Variants in MTHFD2L observed in about 807,000 individuals in gnomAD.
MTHFD2L encodes the protein methylenetetrahydrofolate dehydrogenase (NADP+ dependent) 2 like.
In MTHFD2L, 29 loss-of-function variants were observed where a neutral mutation model predicts 34.9. That is an observed-to-expected ratio of 0.83 (90% CI 0.62 to 1.13). The LOEUF is 1.13. MTHFD2L is among the 50% of genes most tolerant of loss of function. MTHFD2L has a pLI of 0.00. For missense variants in MTHFD2L, 481 were observed against 446.5 expected (o/e 1.08, Z -0.70); for synonymous variants, 167 against 155.7 (o/e 1.07, Z -0.54).
chr4:74,164,036 C>T (rs1250303356), intron 1 of MTHFD2L, among the ~76,000 whole-genome samples: 3 of 152,026 alleles, frequency 2.0e-5, no homozygotes, highest in Non-Finnish European at 2.9e-5. Flanking sequence ...CCACCACGCC[C>T]GGCTAATTTT....
At chr4:74,295,155 GTTTCT>G (rs1749474713) in intron 7 of MTHFD2L, among the ~76,000 whole-genome samples, 1 of 151,964 alleles carries the variant, frequency 6.6e-6, no homozygotes, top group African/African-American at 2.4e-5. Flanking sequence ...CCCAACCTCA[GTTTCT>G]TGACCCCATA....
intron 6 of MTHFD2L, among the ~76,000 whole-genome samples, chr4:74,264,883 G>T (rs1745099596): frequency 6.6e-6 from 1 of 152,068 alleles, no homozygotes; most frequent in African/African-American, 2.4e-5. Flanking sequence ...TTATGAATGA[G>T]AAGTTCTTGT....
chr4:74,242,235 G>T (rs371903337), intron 6 of MTHFD2L: 2 of 151,696 alleles, frequency 1.3e-5, no homozygotes, highest in Non-Finnish European at 2.9e-5. Context: ...GGTCAAAAAA[G>T]CATGTATGTG....
At chr4:74,115,214 A>G (rs1234353805) in intron 2 of MTHFD2L, among the ~76,000 whole-genome samples, 1 of 152,180 alleles carries the variant, frequency 6.6e-6, no homozygotes, top group East Asian at 1.9e-4. Context: ...TTATTTTTTG[A>G]CCATAGGAGA....
chr4:74,186,060 C>A (rs1201975174), intron 3 of MTHFD2L, among the ~76,000 whole-genome samples: 1 of 151,906 alleles, frequency 6.6e-6, no homozygotes, highest in African/African-American at 2.4e-5. Flanking sequence ...TTCAGGAATC[C>A]AATACAATTT....
At chr4:74,287,701 C>T (rs112403882) in intron 7 of MTHFD2L, among the ~76,000 whole-genome samples, 5,275 of 152,174 alleles carry the variant, frequency 0.035, 99 homozygotes, top group East Asian at 0.099. Context: ...GAGCCGAGAT[C>T]GTGCCACTGC....
At chr4:74,203,190 C>T (rs891976205) in intron 5 of MTHFD2L, among the ~76,000 whole-genome samples, 2 of 150,710 alleles carry the variant, frequency 1.3e-5, no homozygotes, top group Admixed American at 1.3e-4. Context: ...ATAATGACTC[C>T]AGATAACTTT....
chr4:74,174,232 G>A (rs1283810386), intron 1 of MTHFD2L, among the ~76,000 whole-genome samples: 1 of 151,956 alleles, frequency 6.6e-6, no homozygotes, highest in Non-Finnish European at 1.5e-5. Flanking sequence ...TAACATTTGG[G>A]GTTAGGATTT....
chr4:74,209,988 T>C (rs1457704225), intron 5 of MTHFD2L, among the ~76,000 whole-genome samples: 1 of 152,248 alleles, frequency 6.6e-6, no homozygotes, highest in African/African-American at 2.4e-5. Flanking sequence ...GCTGCATAAA[T>C]GTCTTCTTTT....
intron 1 of MTHFD2L, among the ~76,000 whole-genome samples, chr4:74,172,327 CA>C: frequency 6.6e-6 from 1 of 152,198 alleles, no homozygotes; most frequent in East Asian, 1.9e-4. Context: ...TAAATATGTC[CA>C]GTTTATTATA....
At chr4:74,212,174 GT>G (rs1435833399) in intron 5 of MTHFD2L, among the ~76,000 whole-genome samples, 1 of 151,848 alleles carries the variant, frequency 6.6e-6, no homozygotes, top group Admixed American at 6.6e-5. Context: ...TTTTTGAAGG[GT>G]TTTTTGTCTC....
upstream of MTHFD2L, among the ~76,000 whole-genome samples, chr4:74,155,692 TATC>T (rs141608742): frequency 0.022 from 3,402 of 152,176 alleles, 110 homozygotes; most frequent in African/African-American, 0.076. Flanking sequence ...TAAAATCTAT[TATC>T]ATACAAAAAT....
intron 1 of MTHFD2L, among the ~76,000 whole-genome samples, chr4:74,162,505 CTTTT>C (rs3051352): frequency 6.4e-5 from 8 of 124,262 alleles, no homozygotes; most frequent in South Asian, 2.5e-4. Context: ...TCTCTCCCCA[CTTTT>C]TTTTTTTTTT....
chr4:74,227,864 G>C (rs1739414677), intron 6 of MTHFD2L, among the ~76,000 whole-genome samples: 2 of 152,112 alleles, frequency 1.3e-5, no homozygotes. Context: ...ACAGAGAGGA[G>C]AGGTATTGCA....
intron 6 of MTHFD2L, among the ~76,000 whole-genome samples, chr4:74,227,651 A>T (rs983509004): frequency 2.6e-5 from 4 of 152,136 alleles, no homozygotes; most frequent in Admixed American, 1.3e-4. Flanking sequence ...CTAGTAAGAA[A>T]TGTTGTTGGG....
chr4:74,170,532 C>T (rs1045578813), intron 1 of MTHFD2L, among the ~76,000 whole-genome samples: 3 of 151,920 alleles, frequency 2.0e-5, no homozygotes, highest in Non-Finnish European at 4.4e-5. Context: ...TTGAATTAGG[C>T]AAAGATTTCT....
At chr4:74,296,583 A>G (rs768501893) in intron 7 of MTHFD2L, among the ~76,000 whole-genome samples, 2 of 152,122 alleles carry the variant, frequency 1.3e-5, no homozygotes, top group African/African-American at 2.4e-5. Context: ...ACCTGAGGCC[A>G]TCGTGTAAAG....
At chr4:74,162,751 C>T (rs1725736965) in intron 1 of MTHFD2L, among the ~76,000 whole-genome samples, 1 of 152,070 alleles carries the variant, frequency 6.6e-6, no homozygotes, top group African/African-American at 2.4e-5. Flanking sequence ...GAAATTGAGG[C>T]TTAAAGAAAT....
intron 3 of MTHFD2L, among the ~76,000 whole-genome samples, chr4:74,185,012 C>T (rs540973211): frequency 9.2e-5 from 14 of 151,552 alleles, no homozygotes; most frequent in African/African-American, 3.4e-4. Flanking sequence ...ATTAGCTGGG[C>T]GTGGTAGCAG....
Sources: allele counts gnomAD v4.1 joint callset (sites outside exome capture counted in the v4.1 genomes callset), GRCh38; gene constraint gnomAD v4.1.1; transcripts MANE v1.5; gene names NCBI Gene and HGNC (gene_info 2026-07-23, HGNC 2026-07-21).